IL1RAPL2: variants seen among roughly 807,000 people sequenced by gnomAD.
IL1RAPL2 encodes the protein X-linked interleukin-1 receptor accessory protein-like 2.
In IL1RAPL2, 3 loss-of-function variants were observed where a neutral mutation model predicts 44.1. The ratio of observed to expected loss-of-function variants is 0.07; its 90% CI spans 0.03 to 0.18. IL1RAPL2 has a LOEUF of 0.18. IL1RAPL2 is among the 10% of genes least tolerant of loss of function. The pLI, the probability that IL1RAPL2 is intolerant of heterozygous loss-of-function variation, is 1.00. For synonymous variants in IL1RAPL2, 181 were observed against 178.8 expected (o/e 1.01, Z -0.10); for missense variants, 391 against 496.4 (o/e 0.79, Z 2.02).
intron 2 of IL1RAPL2, among the ~76,000 whole-genome samples, chrX:104,932,215 T>C (rs1924923721): frequency 9.2e-6 from 1 of 108,951 alleles, no homozygotes; most frequent in Non-Finnish European, 1.9e-5. Flanking sequence ...GCCAGGCTGG[T>C]CTCGAACTGC....
At chrX:105,067,798 C>T (rs952059407) in intron 2 of IL1RAPL2, among the ~76,000 whole-genome samples, 2 of 110,000 alleles carry the variant, frequency 1.8e-5, no homozygotes, top group Admixed American at 9.5e-5. Context: ...CACACACGCG[C>T]GCATGCATGC....
chrX:105,553,466 G>A (rs1187587548), intron 6 of IL1RAPL2, among the ~76,000 whole-genome samples: 3 of 111,675 alleles, frequency 2.7e-5, no homozygotes, highest in African/African-American at 9.8e-5. Context: ...CTGAGCTAAT[G>A]CCCAGTGCTT....
At chrX:105,609,820 G>T (rs1191445950) in intron 6 of IL1RAPL2, among the ~76,000 whole-genome samples, 1 of 111,483 alleles carries the variant, frequency 9.0e-6, no homozygotes, top group Non-Finnish European at 1.9e-5. Context: ...CAAGACCTAG[G>T]GCAAATTTTC....
chrX:104,685,888 A>C (rs1274430183), intron 2 of IL1RAPL2, among the ~76,000 whole-genome samples: 1 of 109,676 alleles, frequency 9.1e-6, no homozygotes, highest in Non-Finnish European at 1.9e-5. Flanking sequence ...AGATTGCGCC[A>C]CTGCACTCCA....
intron 6 of IL1RAPL2, among the ~76,000 whole-genome samples, chrX:105,688,409 G>A (rs2038003555): frequency 9.0e-6 from 1 of 111,434 alleles, no homozygotes; most frequent in African/African-American, 3.3e-5. Context: ...AAAATCACAA[G>A]CTTTCCTATA....
chrX:104,651,543 T>C (rs1197895500), intron 1 of IL1RAPL2, among the ~76,000 whole-genome samples: 2 of 111,830 alleles, frequency 1.8e-5, no homozygotes, highest in Non-Finnish European at 3.8e-5. Flanking sequence ...TTATGGTCCC[T>C]ACACACTGTC....
rs199767233 is a variant in IL1RAPL2, at chrX:105,747,011, A to G, written c.1049-1949A>G. ...TAAAATTGGCTTTTAATAATGTATA[A>G]TTGATGGTGTATATAAGATGGTGAG... On this transcript the variant is annotated intron_variant, in intron 8 of 10. Transcript: ENST00000372582. Among the ~76,000 whole-genome samples, 3 of 111,427 alleles carry G rather than the reference A, an allele frequency of 2.7e-5. No homozygotes were observed. In the East Asian group the frequency reaches 8.4e-4, roughly 31 times the overall value.
intron 2 of IL1RAPL2, among the ~76,000 whole-genome samples, chrX:104,758,178 C>T (rs1449058983): frequency 9.0e-6 from 1 of 111,696 alleles, no homozygotes; most frequent in African/African-American, 3.2e-5. Context: ...TTGTTCTACT[C>T]TCTTGTGACA....
chrX:105,075,442 G>A (rs770625233), intron 2 of IL1RAPL2, among the ~76,000 whole-genome samples: 1 of 111,527 alleles, frequency 9.0e-6, no homozygotes, highest in South Asian at 3.8e-4. Flanking sequence ...GATTCGGTTT[G>A]CCAGTATTTT....
At chrX:104,941,494 A>G (rs1925174171) in intron 2 of IL1RAPL2, among the ~76,000 whole-genome samples, 1 of 111,644 alleles carries the variant, frequency 9.0e-6, no homozygotes, top group African/African-American at 3.3e-5. Context: ...GGCTGCATAA[A>G]TGTCTTTTGA....
At chrX:105,630,308 G>A (rs1233904293) in intron 6 of IL1RAPL2, among the ~76,000 whole-genome samples, 1 of 110,999 alleles carries the variant, frequency 9.0e-6, no homozygotes, top group Non-Finnish European at 1.9e-5. Flanking sequence ...ACTAGTGCAG[G>A]CACCCTACTA....
intron 6 of IL1RAPL2, among the ~76,000 whole-genome samples, chrX:105,541,200 A>G (rs997784544): frequency 9.1e-6 from 1 of 109,897 alleles, no homozygotes; most frequent in African/African-American, 3.3e-5. Context: ...GTGGATTTCT[A>G]CTGAACTTGG....
At position 104,858,750 on chromosome X, in the gene IL1RAPL2, A is replaced by T. The variant is rs1922428311; in HGVS notation, c.82+199755A>T. Among the ~76,000 whole-genome samples, 2 of 111,788 alleles carry T rather than the reference A, an allele frequency of 1.8e-5. 1 individual carries two copies. The highest frequency in any genetic ancestry group is 3.8e-5 in the Non-Finnish European group (2 of 53,045). On this transcript the variant is annotated intron_variant, in intron 2 of 10. Coordinates refer to ENST00000372582, the MANE Select transcript of IL1RAPL2 (RefSeq NM_017416.2). ...CAAAAAAGACCAATTTATAACAAAA[A>T]ACTCAAATCAGGATAATATGAATGA...
intron 9 of IL1RAPL2, among the ~76,000 whole-genome samples, chrX:105,752,450 C>T (rs935132832): frequency 3.6e-5 from 4 of 112,050 alleles, no homozygotes; most frequent in African/African-American, 1.3e-4. Context: ...CTTATAACTT[C>T]TCTCTTTATT....
intron 2 of IL1RAPL2, among the ~76,000 whole-genome samples, chrX:104,869,234 T>C (rs1294852892): frequency 9.0e-6 from 1 of 111,396 alleles, no homozygotes; most frequent in African/African-American, 3.3e-5. Flanking sequence ...AATGGACAAA[T>C]TATACTTGTA....
At chrX:104,864,951 C>A (rs1419513721) in intron 2 of IL1RAPL2, among the ~76,000 whole-genome samples, 2 of 111,270 alleles carry the variant, frequency 1.8e-5, no homozygotes, top group Non-Finnish European at 3.8e-5. Flanking sequence ...ATTAATTTAG[C>A]TCAGGTCCGA....
intron 3 of IL1RAPL2, among the ~76,000 whole-genome samples, chrX:105,225,695 T>C (rs180888641): frequency 9.4e-6 from 1 of 106,862 alleles, no homozygotes; most frequent in East Asian, 2.9e-4. Flanking sequence ...TTTTATTTTA[T>C]TTTTTTTTCT....
chrX:105,692,874 C>A (rs2038047162), intron 6 of IL1RAPL2, among the ~76,000 whole-genome samples: 1 of 111,501 alleles, frequency 9.0e-6, no homozygotes, highest in South Asian at 3.8e-4. Flanking sequence ...AAGCCTATAT[C>A]CCAAGAGAAC....
At chrX:104,582,634 TTCTTTC>T (rs1569487504) in intron 1 of IL1RAPL2, among the ~76,000 whole-genome samples, 5 of 87,622 alleles carry the variant, frequency 5.7e-5, no homozygotes, top group African/African-American at 2.8e-4. Context: ...CTTTCTTTCT[TTCTTTC>T]TCTCTTTCTT....
Sources: allele counts gnomAD v4.1 joint callset (sites outside exome capture counted in the v4.1 genomes callset), GRCh38; gene constraint gnomAD v4.1.1; transcripts MANE v1.5; gene names NCBI Gene and HGNC (gene_info 2026-07-23, HGNC 2026-07-21).